Variants in PRRC2C observed in about 807,000 individuals in gnomAD.
The protein encoded by PRRC2C is proline rich coiled-coil 2C.
In PRRC2C, 72 loss-of-function variants were observed where a neutral mutation model predicts 317.2. The observed-to-expected ratio is 0.23, with a 90% confidence interval of 0.19 to 0.28. PRRC2C has a LOEUF of 0.28. PRRC2C is among the 10% of genes least tolerant of loss of function. The probability of loss-of-function intolerance (pLI) is 1.00; values close to 1 mark genes in which losing one functional copy is unlikely to be tolerated. For synonymous variants in PRRC2C, 1,296 were observed against 1,205.9 expected (o/e 1.07, Z -1.55); for missense variants, 3,074 against 3,459.7 (o/e 0.89, Z 2.80).
At position 171,522,198 on chromosome 1, in the gene PRRC2C, A is replaced by T; in HGVS notation, c.772A>T (p.Met258Leu). 2 of 1,589,294 alleles carry T rather than the reference A, an allele frequency of 1.3e-6. No homozygotes were observed. The highest frequency in any genetic ancestry group is 2.7e-5 in the African/African-American group (2 of 74,644). The change falls in exon 7 of 35, where the codon ATG (methionine) becomes TTG (leucine). Residue 258 changes from methionine to leucine, a missense_variant. Transcript: ENST00000647382. ...TCAGATGTTCCAACAGTATCCGAGGATGACATATCCTCCTCTACATGGTCC... is the reference window on the plus strand; with the variant it reads ...TCAGATGTTCCAACAGTATCCGAGGTTGACATATCCTCCTCTACATGGTCC... ...PPYMFQQYPR[M>L]TYPPLHGPMR...
At chr1:171,571,471 G>A (rs550082299) in intron 24 of PRRC2C, 50 bp downstream of exon 24, 22 of 1,336,338 alleles carry the variant, frequency 1.6e-5, no homozygotes, top group Non-Finnish European at 2.3e-5. Flanking sequence ...CATGCAAGGG[G>A]ACATAAGTTA....
intron 1 of PRRC2C, among the ~76,000 whole-genome samples, chr1:171,501,072 T>A (rs1166494989): frequency 2.0e-5 from 3 of 151,990 alleles, no homozygotes; most frequent in African/African-American, 7.3e-5. Context: ...CTAGTTTATT[T>A]ATTTTTGTAG....
At position 171,575,145 on chromosome 1, in the gene PRRC2C, CTG is replaced by C; in HGVS notation, c.6955+19_6955+20del. On this transcript the variant is annotated intron_variant, in intron 25 of 34. Coordinates refer to ENST00000647382, the MANE Select transcript of PRRC2C (RefSeq NM_001387844.1). ...CACTATCAGGTAGAACTTTTTCGTT[CTG>C]TTTCTTTAAATATCTTACATTATTT... is the stretch of plus-strand genomic sequence containing the variant. The C allele has an allele frequency of 6.3e-7, 1 of 1,597,304 alleles. No homozygotes were observed.
In PRRC2C at chr1:171,584,541, G is replaced by A. The variant is rs750690235; in HGVS notation, c.7749+15G>A. 9 of 1,530,774 alleles carry A rather than the reference G, an allele frequency of 5.9e-6. No homozygotes were observed. In the Admixed American group the frequency reaches 1.7e-4, roughly 28 times the overall value. 94.8% of individuals were successfully genotyped at this position (1,530,774 alleles called of 1,614,324 possible). A position where few individuals can be genotyped will look rare whatever the true frequency, so the allele number is the denominator to read the frequency against. The stretch of plus-strand genomic sequence containing the variant: ...CTCTCCAGCAGGTAAACTATGGCAT[G>A]GTAAATTTCCTCAATTTTCTTTATT... On this transcript the variant is annotated intron_variant, in intron 30 of 34. Transcript: ENST00000647382.
At chr1:171,502,077 C>G (rs1313335878) in intron 1 of PRRC2C, among the ~76,000 whole-genome samples, 2 of 152,200 alleles carry the variant, frequency 1.3e-5, no homozygotes, top group African/African-American at 4.8e-5. Flanking sequence ...TATACACCAC[C>G]ACACCCAGCT....
rs1647317689 is a variant in PRRC2C at position 171,577,662 on chromosome 1, A to C, written c.7159+25A>C. The C allele has an allele frequency of 2.5e-6, 4 of 1,586,126 alleles. 1 individual carries two copies. In the African/African-American group the frequency reaches 5.4e-5, roughly 21 times the overall value. The stretch of plus-strand genomic sequence containing the variant: ...GGTAATGTTTTTAGGCTTGAATATA[A>C]GGAATTTAGAAAATGAAGACTTACT... On this transcript the variant is annotated intron_variant, in intron 26 of 34. Transcript: ENST00000647382.
chr1:171,532,533 C>T lies in PRRC2C; in HGVS notation c.1445C>T (p.Ala482Val). Residue 482 changes from alanine (A) to valine (V), a missense_variant, in exon 12 of 35, where the codon GCT becomes GTT. By Grantham distance (64) the Ala-to-Val change is moderately conservative (BLOSUM62 0). Transcript: ENST00000647382. Reference protein sequence around the residue: ...ERRMEEQRKAACAEKLKRLDE... With the variant: ...ERRMEEQRKAVCAEKLKRLDE... The stretch of plus-strand genomic sequence containing the variant: ...AGAATGGAAGAACAAAGGAAGGCAG[C>T]TTGTGCGGAGAAACTGAAACGATTG... 6.3e-7 allele frequency: 1 copy of T among 1,598,936 alleles called. No individual in the cohort carries two copies. Among genetic ancestry groups the T allele is most frequent in the Non-Finnish European group, 8.5e-7 (1 of 1,172,904 alleles).
intron 18 of PRRC2C, among the ~76,000 whole-genome samples, chr1:171,551,926 G>T (rs1206059399): frequency 6.6e-6 from 1 of 152,146 alleles, no homozygotes; most frequent in Non-Finnish European, 1.5e-5. Flanking sequence ...TTTTGTTTAG[G>T]ATTATCTTGG....
At chr1:171,507,865 C>G (rs1052807736) in intron 1 of PRRC2C, among the ~76,000 whole-genome samples, 2 of 151,992 alleles carry the variant, frequency 1.3e-5, no homozygotes, top group Non-Finnish European at 2.9e-5. Flanking sequence ...TATTTTGCTC[C>G]CTTGGTTAGA....
At chr1:171,501,874 G>C (rs1669174656) in intron 1 of PRRC2C, among the ~76,000 whole-genome samples, 1 of 152,230 alleles carries the variant, frequency 6.6e-6, no homozygotes, top group African/African-American at 2.4e-5. Context: ...TGGTTATGCT[G>C]AGTGCATCTG....
At chr1:171,527,710 C>A in intron 10 of PRRC2C, 81 bp from the exon 11 acceptor site, 1 of 1,197,686 alleles carries the variant, frequency 8.3e-7, no homozygotes, top group Non-Finnish European at 1.2e-6. Flanking sequence ...GAGCCAAGAT[C>A]ATGCCACTGC....
intron 20 of PRRC2C, among the ~76,000 whole-genome samples, chr1:171,564,796 C>A (rs1194569755): frequency 6.6e-6 from 1 of 152,140 alleles, no homozygotes; most frequent in Non-Finnish European, 1.5e-5. Context: ...TTTATGGAAC[C>A]ACCCTTGTAT....
intron 26 of PRRC2C, among the ~76,000 whole-genome samples, 199 bp from the exon 27 acceptor site, chr1:171,579,155 T>C (rs377473372): frequency 8.5e-5 from 13 of 152,190 alleles, no homozygotes; most frequent in African/African-American, 2.7e-4. Context: ...GTACTAGTTA[T>C]GTTTGTGTGT....
intron 14 of PRRC2C, among the ~76,000 whole-genome samples, chr1:171,536,686 A>G (rs1425332391): frequency 6.6e-6 from 1 of 152,208 alleles, no homozygotes; most frequent in Non-Finnish European, 1.5e-5. Flanking sequence ...GGGGGAAAAA[A>G]AGTGAATTAG....
chr1:171,542,365 C>G (rs1330995719), intron 16 of PRRC2C, 136 bp downstream of exon 16: 2 of 858,180 alleles, frequency 2.3e-6, no homozygotes, highest in Non-Finnish European at 3.5e-6. Context: ...GCTTTATTCT[C>G]TGTTCTCAAA....
Position 171,550,150 on chromosome 1 carries a change from T to A in PRRC2C, c.5037T>A (p.Asn1679Lys), listed in dbSNP as rs889588113. The A allele has an allele frequency of 3.1e-6, 5 of 1,608,268 alleles. No individual in the cohort carries two copies. In the African/African-American group the frequency reaches 6.7e-5, roughly 21 times the overall value. The change falls in exon 18 of 35, where the codon AAT (asparagine) becomes AAA (lysine). Residue 1679 changes from asparagine (N) to lysine (K), a missense_variant. By Grantham distance (94) the Asn-to-Lys change is moderately conservative. Around this residue, in one of 11 missense-constraint regions of PRRC2C, gnomAD observed 640 missense variants for 676.1 expected, o/e 0.95. Coordinates refer to ENST00000647382, the MANE Select transcript of PRRC2C (RefSeq NM_001387844.1). ...TTGAAGATCCCCAGTCAAATTTGAA[T>A]GATGATGGTTTTACTGAAGTGGTAT... ...TVIEDPQSNL[N>K]DDGFTEVVSK...
At chr1:171,564,407 T>C (rs370130879) in intron 20 of PRRC2C, among the ~76,000 whole-genome samples, 3 of 152,298 alleles carry the variant, frequency 2.0e-5, no homozygotes. Context: ...TTCTTAACAT[T>C]TTTGTATATA....
At chr1:171,584,213 AC>A in intron 29 of PRRC2C, 26 bp downstream of exon 29, 1 of 1,544,674 alleles carries the variant, frequency 6.5e-7, no homozygotes, top group Non-Finnish European at 8.9e-7. Flanking sequence ...AGAGCAATGC[AC>A]CCTCATTGTA....
chr1:171,580,094 A>C (rs749480103), intron 28 of PRRC2C, 130 bp downstream of exon 28: 316 of 734,126 alleles, frequency 4.3e-4, no homozygotes, highest in Non-Finnish European at 5.9e-4. Flanking sequence ...ACATTGGCTA[A>C]TTGAGCATGT....
Sources: gnomAD v4.1 joint callset for allele counts (sites outside exome capture counted in the v4.1 genomes callset) on GRCh38, gnomAD v4.1.1 for gene constraint, gnomAD v4.1.1 regional missense constraint, MANE v1.5 for transcripts, NCBI Gene and HGNC (gene_info 2026-07-23, HGNC 2026-07-21) for gene names.